Variants in CCDC71L observed in about 807,000 individuals in gnomAD.
The protein encoded by CCDC71L is coiled-coil domain-containing protein 71L.
CCDC71L carries 6 observed loss-of-function variants against 10.2 expected under a neutral mutation model. The ratio of observed to expected loss-of-function variants is 0.59; its 90% CI spans 0.32 to 1.16. The LOEUF (loss-of-function observed/expected upper bound fraction) is 1.16, where lower values mean the gene tolerates loss of function less well. Ranked by LOEUF, CCDC71L falls within the 50% of genes most tolerant of loss-of-function variation. The probability of loss-of-function intolerance (pLI) is 0.05; values close to 1 mark genes in which losing one functional copy is unlikely to be tolerated. For synonymous variants in CCDC71L, 204 were observed against 175.5 expected (o/e 1.16, Z -1.28); for missense variants, 366 against 383.4 (o/e 0.95, Z 0.38).
chr7:106,654,663 G>C lies in CCDC71L; in HGVS notation c.*5526C>G, dbSNP rs915405545. Among the ~76,000 whole-genome samples the C allele has an allele frequency of 6.6e-6, 1 of 152,102 alleles. No individual in the cohort carries two copies. The highest frequency in any genetic ancestry group is 6.5e-5 in the Admixed American group (1 of 15,280). ...GTTATCTTGGGCAAGAAGGTGAGTA[G>C]GTAATGGCTGATGGGGTGTTAGGGA... On this transcript the variant is annotated 3_prime_UTR_variant, in exon 1 of 1. Transcript: ENST00000523505.
At position 106,659,199 on chromosome 7, in the gene CCDC71L, TACAAGGATA is replaced by T. The variant is rs1280694549; in HGVS notation, c.*981_*989del. ...AATACATTATCCTTGTAAAATACAT[TACAAGGATA>T]ATGTATTTTAAAATACTTTAACGCA... On this transcript the variant is annotated 3_prime_UTR_variant, in exon 1 of 1. Transcript: ENST00000523505. 2.0e-5 allele frequency: 3 copies of T among 152,168 alleles called. No homozygotes were observed. The East Asian group carries it at 5.8e-4, about 29-fold the overall frequency. The allele number at this position is 152,168 out of a possible 1,614,324, so 9.4% of individuals were successfully genotyped here. A position where few individuals can be genotyped will look rare whatever the true frequency, so the allele number is the denominator to read the frequency against.
chr7:106,660,327 G>A lies in CCDC71L; in HGVS notation c.570C>T (p.Thr190=), dbSNP rs1177420002. The A allele has an allele frequency of 1.3e-6, 2 of 1,512,910 alleles. No individual in the cohort carries two copies. Among genetic ancestry groups the A allele is most frequent in the Non-Finnish European group, 1.8e-6 (2 of 1,140,202 alleles). 93.7% of individuals were successfully genotyped at this position (1,512,910 alleles called of 1,614,324 possible). A position where few individuals can be genotyped will look rare whatever the true frequency, so the allele number is the denominator to read the frequency against. Residue 190 remains threonine (T), a synonymous_variant, in exon 1 of 1, where the codon ACC becomes ACT. Transcript: ENST00000523505. The surrounding 1 kb of genome is among the most constrained non-coding windows in gnomAD (Gnocchi z 7.5). ...CGCTGCCGACGCGGATGGTGGGGAA[G>A]GTGGTCAGCGTCGGGGTGGCCGCCC... The part of the protein sequence containing the change: ...IWRAATPTLT[T]FPTIRVGSDV...
rs771558461 is a variant in CCDC71L at position 106,660,562 on chromosome 7, G to C, written c.335C>G (p.Pro112Arg). ...CTGGCCGCGGGCTGTAGGGGGCCCC[G>C]GGGGGTCGGGTACCAGGGCCCGGCA... ...SSCRALVPDP[P>R]GPPTARGQAR... The change falls in exon 1 of 1, where the codon CCG (proline) becomes CGG (arginine). Residue 112 changes from proline (P) to arginine (R), a missense_variant. By Grantham distance (103) the Pro-to-Arg change is moderately radical. Coordinates refer to ENST00000523505, the MANE Select transcript of CCDC71L (RefSeq NM_175884.6). The surrounding 1 kb of genome is among the most constrained non-coding windows in gnomAD (Gnocchi z 7.5). 6.5e-7 allele frequency: 1 copy of C among 1,528,260 alleles called. No individual in the cohort carries two copies. Among genetic ancestry groups the C allele is most frequent in the Non-Finnish European group, 8.8e-7 (1 of 1,138,158 alleles). 94.7% of individuals were successfully genotyped at this position (1,528,260 alleles called of 1,614,324 possible). A position where few individuals can be genotyped will look rare whatever the true frequency, so the allele number is the denominator to read the frequency against.
In CCDC71L at chr7:106,659,571, T is replaced by C. The variant is rs542097230; in HGVS notation, c.*618A>G. The C allele has an allele frequency of 1.4e-4, 21 of 152,750 alleles. No individual in the cohort carries two copies. The highest frequency in any genetic ancestry group is 1.2e-3 in the East Asian group (6 of 5,188). 9.5% of individuals were successfully genotyped at this position (152,750 alleles called of 1,614,324 possible). ...TAATCACTGAGCCCATACAAATCCT[T>C]GCACTACTAACAGTCACAAGCTTGA... On this transcript the variant is annotated 3_prime_UTR_variant, in exon 1 of 1. Transcript: ENST00000523505.
chr7:106,654,970 C>T lies in CCDC71L; in HGVS notation c.*5219G>A, dbSNP rs1282238562. Among the ~76,000 whole-genome samples, 1 of 151,880 alleles carries T rather than the reference C, an allele frequency of 6.6e-6. No individual in the cohort carries two copies. The highest frequency in any genetic ancestry group is 1.5e-5 in the Non-Finnish European group (1 of 67,958). On this transcript the variant is annotated 3_prime_UTR_variant, in exon 1 of 1. Coordinates refer to ENST00000523505, the MANE Select transcript of CCDC71L (RefSeq NM_175884.6). ...ACTACTTGGAAGAATCTCAATTTAA[C>T]TTTTCTATGAATGCTTTCGGAAGCT...
rs1792482566 is a variant in CCDC71L, at chr7:106,655,876, C to T, written c.*4313G>A. Among the ~76,000 whole-genome samples, 1 of 152,166 alleles carries T rather than the reference C, an allele frequency of 6.6e-6. No individual in the cohort carries two copies. Among genetic ancestry groups the T allele is most frequent in the Non-Finnish European group, 1.5e-5 (1 of 68,016 alleles). ...ATTTATCTTACAGCTTTCCCAGAGC[C>T]ACACAATATTCTTGGGATGCTGAGA... On this transcript the variant is annotated 3_prime_UTR_variant, in exon 1 of 1. Transcript: ENST00000523505.
chr7:106,660,786 C>T lies in CCDC71L; in HGVS notation c.111G>A (p.Glu37=), dbSNP rs1792581670. 2 of 1,548,252 alleles carry T rather than the reference C, an allele frequency of 1.3e-6. No homozygotes were observed. The highest frequency in any genetic ancestry group is 1.7e-6 in the Non-Finnish European group (2 of 1,145,848). ...AEDGAGLEAR[E]EKVVYSRSQL... The stretch of plus-strand genomic sequence containing the variant: ...GCGACCGCGAGTACACCACCTTCTC[C>T]TCCCGCGCCTCCAACCCAGCCCCGT... The change falls in exon 1 of 1, where the codon GAG becomes GAA. Residue 37 remains glutamate (E), a synonymous_variant. Transcript: ENST00000523505. This position sits in a 1 kb window ranked among gnomAD's most constrained non-coding sequence, Gnocchi z 7.5.
rs1316231334 is a variant in CCDC71L, at chr7:106,660,153, G to C, written c.*36C>G. ...CTCCGGGCGGAAGGCCTGTCCCAAGGTCGGGGCCGGCAGGAGGCGCCCTGG... is the reference window on the plus strand; with the variant it reads ...CTCCGGGCGGAAGGCCTGTCCCAAGCTCGGGGCCGGCAGGAGGCGCCCTGG... On this transcript the variant is annotated 3_prime_UTR_variant, in exon 1 of 1. Coordinates refer to ENST00000523505, the MANE Select transcript of CCDC71L (RefSeq NM_175884.6). This position sits in a 1 kb window ranked among gnomAD's most constrained non-coding sequence, Gnocchi z 7.5. 10 of 1,489,628 alleles carry C rather than the reference G, an allele frequency of 6.7e-6. No homozygotes were observed. The highest frequency in any genetic ancestry group is 2.2e-5 in the Admixed American group (1 of 44,508). The allele number at this position is 1,489,628 out of a possible 1,614,324, so 92.3% of individuals were successfully genotyped here.
chr7:106,660,441 T>A lies in CCDC71L; in HGVS notation c.456A>T (p.Pro152=), dbSNP rs1454917506. The A allele has an allele frequency of 1.7e-6, 2 of 1,181,516 alleles. No homozygotes were observed. Among genetic ancestry groups the A allele is most frequent in the Non-Finnish European group, 1.1e-6 (1 of 949,684 alleles). 73.2% of individuals were successfully genotyped at this position (1,181,516 alleles called of 1,614,324 possible). A position where few individuals can be genotyped will look rare whatever the true frequency, so the allele number is the denominator to read the frequency against. Residue 152 remains proline (P), a synonymous_variant, in exon 1 of 1, where the codon CCA becomes CCT. Transcript: ENST00000523505. The surrounding 1 kb of genome is among the most constrained non-coding windows in gnomAD (Gnocchi z 7.5). ...ARRRKPRPPP[P]PPPPPEESCP... is the part of the protein sequence containing the mutation. Reference sequence around the variant, plus strand: ...AGCTCTCCTCGGGGGGCGGCGGCGGTGGGGGTGGCGGCCGGGGCTTCCTCC... The same window carrying A: ...AGCTCTCCTCGGGGGGCGGCGGCGGAGGGGGTGGCGGCCGGGGCTTCCTCC...
At position 106,660,131 on chromosome 7, in the gene CCDC71L, C is replaced by G; in HGVS notation, c.*58G>C. 1 of 1,443,988 alleles carries G rather than the reference C, an allele frequency of 6.9e-7. No homozygotes were observed. Among genetic ancestry groups the G allele is most frequent in the East Asian group, 2.9e-5 (1 of 34,782 alleles). 89.4% of individuals were successfully genotyped at this position (1,443,988 alleles called of 1,614,324 possible). ...CTCGACTGACACTTGTTCATTCCTCCGGGCGGAAGGCCTGTCCCAAGGTCG... is the reference window on the plus strand; with the variant it reads ...CTCGACTGACACTTGTTCATTCCTCGGGGCGGAAGGCCTGTCCCAAGGTCG... On this transcript the variant is annotated 3_prime_UTR_variant, in exon 1 of 1. Coordinates refer to ENST00000523505, the MANE Select transcript of CCDC71L (RefSeq NM_175884.6). The surrounding 1 kb of genome is among the most constrained non-coding windows in gnomAD (Gnocchi z 7.5).
In CCDC71L at chr7:106,660,184, G is replaced by GC; in HGVS notation, c.*4dup. ...GCCGGCAGGAGGCGCCCTGGAGGCC[G>GC]CACCTCATGCCCGGGGCACCGGGAA... On this transcript the variant is annotated 3_prime_UTR_variant, in exon 1 of 1. Coordinates refer to ENST00000523505, the MANE Select transcript of CCDC71L (RefSeq NM_175884.6). This position sits in a 1 kb window ranked among gnomAD's most constrained non-coding sequence, Gnocchi z 7.5. 6.5e-7 allele frequency: 1 copy of GC among 1,543,798 alleles called. No homozygotes were observed. Among genetic ancestry groups the GC allele is most frequent in the East Asian group, 2.6e-5 (1 of 39,186 alleles).
rs1792538508 is a variant in CCDC71L, at chr7:106,658,971, T to G, written c.*1218A>C. 6.6e-6 allele frequency: 1 copy of G among 152,218 alleles called. No homozygotes were observed. Among genetic ancestry groups the G allele is most frequent in the African/African-American group, 2.4e-5 (1 of 41,468 alleles). 9.4% of individuals were successfully genotyped at this position (152,218 alleles called of 1,614,324 possible). A position where few individuals can be genotyped will look rare whatever the true frequency, so the allele number is the denominator to read the frequency against. Reference sequence around the variant, plus strand: ...TTTGTAAAACTGATGAATATTAGTCTAGACATTTCTTGTTATCCAACAACA... The same window carrying G: ...TTTGTAAAACTGATGAATATTAGTCGAGACATTTCTTGTTATCCAACAACA... On this transcript the variant is annotated 3_prime_UTR_variant, in exon 1 of 1. Transcript: ENST00000523505.
Position 106,660,020 on chromosome 7 carries a change from G to A in CCDC71L, c.*169C>T. Reference sequence around the variant, plus strand: ...CCCCAGCGTCCAAGACGACCGCGCCGCGGCCCGGGACAGGGACAACCATCC... The same window carrying A: ...CCCCAGCGTCCAAGACGACCGCGCCACGGCCCGGGACAGGGACAACCATCC... On this transcript the variant is annotated 3_prime_UTR_variant, in exon 1 of 1. Transcript: ENST00000523505. The surrounding 1 kb of genome is among the most constrained non-coding windows in gnomAD (Gnocchi z 7.5). 2 of 970,570 alleles carry A rather than the reference G, an allele frequency of 2.1e-6. No individual in the cohort carries two copies. The highest frequency in any genetic ancestry group is 2.8e-6 in the Non-Finnish European group (2 of 707,586). 60.1% of individuals were successfully genotyped at this position (970,570 alleles called of 1,614,324 possible).
At position 106,660,969 on chromosome 7, in the gene CCDC71L, C is replaced by A. The variant is rs547876583; in HGVS notation, c.-73G>T. On this transcript the variant is annotated 5_prime_UTR_variant, in exon 1 of 1. Coordinates refer to ENST00000523505, the MANE Select transcript of CCDC71L (RefSeq NM_175884.6). The surrounding 1 kb of genome is among the most constrained non-coding windows in gnomAD (Gnocchi z 7.5). The stretch of plus-strand genomic sequence containing the variant: ...GCCGCCGTCCCAGTCCGCGTTGGCT[C>A]CGCGGCGGCGGCTGCTGCTGGCGTC... The A allele has an allele frequency of 9.6e-4, 1,250 of 1,297,178 alleles. 5 individuals are homozygous for A. In the African/African-American group the frequency reaches 0.015, roughly 16 times the overall value. The allele number at this position is 1,297,178 out of a possible 1,614,324, so 80.4% of individuals were successfully genotyped here. A position where few individuals can be genotyped will look rare whatever the true frequency, so the allele number is the denominator to read the frequency against.
rs1214441949 is a variant in CCDC71L, at chr7:106,660,088, T to C, written c.*101A>G. Reference sequence around the variant, plus strand: ...TAAAGTGCATTGGGGGCCGGGGTCCTGGCCGGATCTGTAAACACTCGACTG... The same window carrying C: ...TAAAGTGCATTGGGGGCCGGGGTCCCGGCCGGATCTGTAAACACTCGACTG... On this transcript the variant is annotated 3_prime_UTR_variant, in exon 1 of 1. Transcript: ENST00000523505. The surrounding 1 kb of genome is among the most constrained non-coding windows in gnomAD (Gnocchi z 7.5). The C allele has an allele frequency of 8.8e-6, 12 of 1,356,996 alleles. No homozygotes were observed. The South Asian group carries it at 1.3e-4, about 14-fold the overall frequency. The allele number at this position is 1,356,996 out of a possible 1,614,324, so 84.1% of individuals were successfully genotyped here.
At position 106,660,400 on chromosome 7, in the gene CCDC71L, A is replaced by T. The variant is rs753631644; in HGVS notation, c.497T>A (p.Val166Glu). Residue 166 changes from valine (V) to glutamate (E), a missense_variant, in exon 1 of 1, where the codon GTG becomes GAG. Coordinates refer to ENST00000523505, the MANE Select transcript of CCDC71L (RefSeq NM_175884.6). This position sits in a 1 kb window ranked among gnomAD's most constrained non-coding sequence, Gnocchi z 7.5. ...GCCCCCGAAGCAGGGCCCGGGGGCCACGGGCTTGGCCGGGCAGCTCTCCTC... is the reference window on the plus strand; with the variant it reads ...GCCCCCGAAGCAGGGCCCGGGGGCCTCGGGCTTGGCCGGGCAGCTCTCCTC... The part of the protein sequence containing the change: ...PPEESCPAKP[V>E]APGPCFGGRT... 1.2e-3 allele frequency: 1,602 copies of T among 1,323,016 alleles called. 4 individuals carry two copies. The highest frequency in any genetic ancestry group is 1.5e-3 in the Non-Finnish European group (1,530 of 1,038,880). 82.0% of individuals were successfully genotyped at this position (1,323,016 alleles called of 1,614,324 possible). A position where few individuals can be genotyped will look rare whatever the true frequency, so the allele number is the denominator to read the frequency against.
rs1402586377 is a variant in CCDC71L at position 106,659,119 on chromosome 7, A to T, written c.*1070T>A. ...AATTCTAATGGGTATTCTGTTTATC[A>T]TTTTAGTGATAATGTTTACACACAT... is the stretch of plus-strand genomic sequence containing the variant. On this transcript the variant is annotated 3_prime_UTR_variant, in exon 1 of 1. Coordinates refer to ENST00000523505, the MANE Select transcript of CCDC71L (RefSeq NM_175884.6). 1 of 152,152 alleles carries T rather than the reference A, an allele frequency of 6.6e-6. No homozygotes were observed. The highest frequency in any genetic ancestry group is 6.5e-5 in the Admixed American group (1 of 15,280). The allele number at this position is 152,152 out of a possible 1,614,324, so 9.4% of individuals were successfully genotyped here. A position where few individuals can be genotyped will look rare whatever the true frequency, so the allele number is the denominator to read the frequency against.
chr7:106,661,129 C>T lies in CCDC71L; in HGVS notation c.-233G>A, dbSNP rs982262116. 1.3e-5 allele frequency: 6 copies of T among 475,036 alleles called. No individual in the cohort carries two copies. The highest frequency in any genetic ancestry group is 2.1e-5 in the Non-Finnish European group (6 of 288,022). The allele number at this position is 475,036 out of a possible 1,614,324, so 29.4% of individuals were successfully genotyped here. On this transcript the variant is annotated 5_prime_UTR_variant, in exon 1 of 1. Coordinates refer to ENST00000523505, the MANE Select transcript of CCDC71L (RefSeq NM_175884.6). The stretch of plus-strand genomic sequence containing the variant: ...GCTTTGTCATTGGACGGCGCCTCGC[C>T]CCCCTGGTTTCTCTTTCTTCTCCTC...
rs149043909 is a variant in CCDC71L, at chr7:106,658,922, A to G, written c.*1267T>C. On this transcript the variant is annotated 3_prime_UTR_variant, in exon 1 of 1. Coordinates refer to ENST00000523505, the MANE Select transcript of CCDC71L (RefSeq NM_175884.6). ...AAATGTTGGGACAAAAAAATCAACT[A>G]AAAATCAACTAATTTTCATTATGTT... The G allele has an allele frequency of 1.8e-3, 281 of 152,488 alleles. 1 individual carries two copies. The highest frequency in any genetic ancestry group is 6.1e-3 in the African/African-American group (255 of 41,580). The allele number at this position is 152,488 out of a possible 1,614,324, so 9.4% of individuals were successfully genotyped here.
Sources: gnomAD v4.1 joint callset for allele counts (sites outside exome capture counted in the v4.1 genomes callset) on GRCh38, gnomAD v4.1.1 for gene constraint, Gnocchi (gnomAD v3.1) non-coding constraint, MANE v1.5 for transcripts, NCBI Gene and HGNC (gene_info 2026-07-23, HGNC 2026-07-21) for gene names.